ADAM9: variants seen among roughly 807,000 people sequenced by gnomAD.
ADAM9 encodes ADAM metallopeptidase domain 9, also known as disintegrin and metalloproteinase domain-containing protein 9.
ADAM9 carries 54 observed loss-of-function variants against 108.1 expected under a neutral mutation model. That is an observed-to-expected ratio of 0.50 (90% CI 0.40 to 0.63). The LOEUF (loss-of-function observed/expected upper bound fraction) is 0.63, where lower values mean the gene tolerates loss of function less well. Ranked by LOEUF, ADAM9 falls within the 20% of genes least tolerant of loss-of-function variation. The pLI, the probability that ADAM9 is intolerant of heterozygous loss-of-function variation, is 0.00. For synonymous variants in ADAM9, 316 were observed against 336.0 expected (o/e 0.94, Z 0.65); for missense variants, 830 against 997.7 (o/e 0.83, Z 2.26).
chr8:39,039,659 G>C (rs1268825457), intron 11 of ADAM9, among the ~76,000 whole-genome samples: 1 of 151,786 alleles, frequency 6.6e-6, no homozygotes, highest in Non-Finnish European at 1.5e-5. Flanking sequence ...TTCTTTTTCT[G>C]TCTGGCTTGC....
chr8:39,067,048 G>C (rs1392322685), intron 14 of ADAM9, among the ~76,000 whole-genome samples: 1 of 152,172 alleles, frequency 6.6e-6, no homozygotes, highest in South Asian at 2.1e-4. Flanking sequence ...GTTTTTCAAA[G>C]ATCAGATGGT....
intron 11 of ADAM9, among the ~76,000 whole-genome samples, chr8:39,041,297 G>T (rs1188624535): frequency 6.6e-6 from 1 of 152,014 alleles, no homozygotes; most frequent in Non-Finnish European, 1.5e-5. Flanking sequence ...GCTCAAGTTG[G>T]ACATTTCTTA....
At chr8:39,089,348 C>T (rs771679641) in intron 18 of ADAM9, among the ~76,000 whole-genome samples, 22 of 152,054 alleles carry the variant, frequency 1.4e-4, no homozygotes, top group Non-Finnish European at 2.8e-4. Flanking sequence ...GGCAAAAATC[C>T]GGAAATTTGG....
In ADAM9 at chr8:39,026,770, T is replaced by C. The variant is rs963368119; in HGVS notation, c.1090T>C (p.Ser364Pro). 1.9e-6 allele frequency: 3 copies of C among 1,614,144 alleles called. No homozygotes were observed. The highest frequency in any genetic ancestry group is 2.5e-6 in the Non-Finnish European group (3 of 1,180,004). Residue 364 changes from serine to proline, a missense_variant, in exon 11 of 22, where the codon TCC becomes CCC. By Grantham distance (74) the Ser-to-Pro change is moderately conservative. Transcript: ENST00000487273. ...GAATCACGATGATGGGAGAGATTGT[T>C]CCTGTGGAGCAAAGAGCTGCATCAT... ...GMNHDDGRDC[S>P]CGAKSCIMNS...
intron 20 of ADAM9, among the ~76,000 whole-genome samples, chr8:39,100,165 T>A (rs1027363475): frequency 6.6e-6 from 1 of 151,748 alleles, no homozygotes; most frequent in African/African-American, 2.4e-5. Flanking sequence ...CTGGCCACAA[T>A]GTGATGTTTT....
Position 39,104,114 on chromosome 8 carries a change from A to T in ADAM9, c.*414A>T, listed in dbSNP as rs1253889418. On this transcript the variant is annotated 3_prime_UTR_variant, in exon 22 of 22. Transcript: ENST00000487273. Reference sequence around the variant, plus strand: ...GTAGTTCCTCATTGAACATGTGATAATCTAATACCTGTGAAAACTGACTAA... The same window carrying T: ...GTAGTTCCTCATTGAACATGTGATATTCTAATACCTGTGAAAACTGACTAA... 2.2e-6 allele frequency: 1 copy of T among 456,192 alleles called. No individual in the cohort carries two copies. 28.3% of individuals were successfully genotyped at this position (456,192 alleles called of 1,614,324 possible).
chr8:39,035,645 G>A lies in ADAM9; in HGVS notation c.1131-6301G>A, dbSNP rs994748228. On this transcript the variant is annotated intron_variant, in intron 11 of 21. Coordinates refer to ENST00000487273, the MANE Select transcript of ADAM9 (RefSeq NM_003816.3). ...CATCCTGGCTAATACGTGAAACCCC[G>A]TCTCTGCTAAAAATACAAAACATTA... Among the ~76,000 whole-genome samples, 11 of 152,126 alleles carry A rather than the reference G, an allele frequency of 7.2e-5. No individual in the cohort carries two copies. In the East Asian group the frequency reaches 9.7e-4, roughly 13 times the overall value.
Position 39,052,702 on chromosome 8 carries a change from C to T in ADAM9, c.1303-1779C>T, listed in dbSNP as rs377604803. Among the ~76,000 whole-genome samples the T allele has an allele frequency of 3.0e-4, 46 of 152,176 alleles. No homozygotes were observed. In the East Asian group the frequency reaches 5.8e-3, roughly 19 times the overall value. On this transcript the variant is annotated intron_variant, in intron 12 of 21. Transcript: ENST00000487273. ...GGAACCATTTAAAATGGTTCTTTTA[C>T]GATAACCTAAGTTCCTATATACATT...
chr8:39,047,230 ATTTG>A (rs1837803786), intron 12 of ADAM9, among the ~76,000 whole-genome samples: 1 of 152,084 alleles, frequency 6.6e-6, no homozygotes, highest in Non-Finnish European at 1.5e-5. Context: ...TTGCATCTGT[ATTTG>A]TTTGGCACAT....
chr8:39,045,113 CAT>C lies in ADAM9; in HGVS notation c.1302+2999_1302+3000del, dbSNP rs1174023414. 3.4e-4 allele frequency among the ~76,000 whole-genome samples: 5 copies of C among 14,676 alleles called. 1 individual carries two copies. Among genetic ancestry groups the C allele is most frequent in the Admixed American group, 7.7e-4 (1 of 1,296 alleles). 9.6% of individuals were successfully genotyped at this position (14,676 alleles called of 152,430 possible). On this transcript the variant is annotated intron_variant, in intron 12 of 21. Coordinates refer to ENST00000487273, the MANE Select transcript of ADAM9 (RefSeq NM_003816.3). ...ATACATATGTGTGTGTGCATACATA[CAT>C]ATGTGTGTGTGCATACATACATATA...
chr8:39,092,412 C>T (rs1195692036), intron 20 of ADAM9, among the ~76,000 whole-genome samples: 4 of 151,798 alleles, frequency 2.6e-5, no homozygotes, highest in Non-Finnish European at 4.4e-5. Flanking sequence ...ATCGTTAGGC[C>T]CTTTCTCCTC....
chr8:39,093,757 ATTAT>A (rs1839420474), intron 20 of ADAM9, among the ~76,000 whole-genome samples: 1 of 151,926 alleles, frequency 6.6e-6, no homozygotes, highest in African/African-American at 2.4e-5. Context: ...TCTGAGGTTC[ATTAT>A]TTCTTTCTTT....
intron 2 of ADAM9, among the ~76,000 whole-genome samples, chr8:39,009,964 A>ACACAAACCC (rs1836299793): frequency 1.9e-5 from 2 of 106,530 alleles, no homozygotes; most frequent in Non-Finnish European, 3.7e-5. Context: ...ACAAAAACAA[A>ACACAAACCC]CCCCCCCCCC....
At chr8:39,026,566 A>G in intron 10 of ADAM9, 111 bp from the exon 11 acceptor site, 1 of 1,317,966 alleles carries the variant, frequency 7.6e-7, no homozygotes, top group Non-Finnish European at 1.1e-6. Flanking sequence ...TTTATCACGT[A>G]GGCTGTCAAC....
At chr8:39,013,822 C>T (rs565082549) in intron 3 of ADAM9, 143 bp from the exon 4 acceptor site, 2 of 719,434 alleles carry the variant, frequency 2.8e-6, no homozygotes, top group African/African-American at 3.6e-5. Flanking sequence ...TTTAATTTTA[C>T]AATAGCACAT....
intron 15 of ADAM9, among the ~76,000 whole-genome samples, chr8:39,073,166 T>C (rs1248148002): frequency 1.3e-5 from 2 of 152,250 alleles, no homozygotes; most frequent in African/African-American, 4.8e-5. Context: ...AGAGATGTTA[T>C]TCTATAAATG....
chr8:39,067,375 T>C (rs1250815701), intron 14 of ADAM9, among the ~76,000 whole-genome samples: 1 of 152,270 alleles, frequency 6.6e-6, no homozygotes, highest in Non-Finnish European at 1.5e-5. Context: ...TGATTATTCC[T>C]ATCCATGAGC....
chr8:39,023,392 G>T, intron 9 of ADAM9, 67 bp downstream of exon 9: 1 of 1,467,610 alleles, frequency 6.8e-7, no homozygotes, highest in Non-Finnish European at 9.2e-7. Context: ...TTATTTTCTT[G>T]TATTAGAATT....
chr8:39,012,035 A>T (rs757633652), intron 3 of ADAM9, among the ~76,000 whole-genome samples: 1 of 152,214 alleles, frequency 6.6e-6, no homozygotes, highest in African/African-American at 2.4e-5. Flanking sequence ...TACTGGAAAG[A>T]CTAAGGTTCC....
Sources: allele counts gnomAD v4.1 joint callset (sites outside exome capture counted in the v4.1 genomes callset), GRCh38; gene constraint gnomAD v4.1.1; transcripts MANE v1.5; gene names NCBI Gene and HGNC (gene_info 2026-07-23, HGNC 2026-07-21).